The following PLD5 variants were observed in gnomAD, a reference collection of about 807,000 sequenced individuals.
PLD5 encodes the protein phospholipase D family member 5.
PLD5 carries 36 observed loss-of-function variants against 61.1 expected under a neutral mutation model. That is an observed-to-expected ratio of 0.59 (90% CI 0.45 to 0.78). PLD5 has a LOEUF of 0.78. Ranked by LOEUF, PLD5 falls within the 30% of genes least tolerant of loss-of-function variation. PLD5 has a pLI of 0.00. For missense variants in PLD5, 515 were observed against 644.4 expected, an observed-to-expected ratio of 0.80 and a Z score of 2.17; for synonymous variants, 243 against 242.8, an observed-to-expected ratio of 1.00 and a Z score of -0.01.
chr1:242,516,969 T>G (rs1669123826), intron 1 of PLD5, among the ~76,000 whole-genome samples: 1 of 152,250 alleles, frequency 6.6e-6, no homozygotes, highest in African/African-American at 2.4e-5. Context: ...GACATATTTA[T>G]GTTCATGTAA....
intron 6 of PLD5, among the ~76,000 whole-genome samples, chr1:242,123,476 T>A (rs1335262349): frequency 6.6e-6 from 1 of 151,936 alleles, no homozygotes; most frequent in African/African-American, 2.4e-5. Flanking sequence ...CAGAGCACAC[T>A]CACACACACA....
At chr1:242,478,975 A>T (rs556475894) in intron 1 of PLD5, among the ~76,000 whole-genome samples, 2 of 152,352 alleles carry the variant, frequency 1.3e-5, no homozygotes, top group Non-Finnish European at 2.9e-5. Flanking sequence ...TTTTTTGACG[A>T]TATGAAGACA....
intron 4 of PLD5, among the ~76,000 whole-genome samples, chr1:242,231,493 G>A (rs542691132): frequency 6.6e-6 from 1 of 152,256 alleles, no homozygotes; most frequent in South Asian, 2.1e-4. Context: ...AGATTCCACA[G>A]CCCAATCTGC....
chr1:242,350,054 G>GA (rs199888310), intron 1 of PLD5, among the ~76,000 whole-genome samples: 4,278 of 149,328 alleles, frequency 0.029, 144 homozygotes, highest in East Asian at 0.15. Context: ...GTCTCTAAAA[G>GA]AAAAAAAAAG....
chr1:242,478,583 G>T (rs746962406), intron 1 of PLD5, among the ~76,000 whole-genome samples: 1 of 152,084 alleles, frequency 6.6e-6, no homozygotes, highest in Non-Finnish European at 1.5e-5. Flanking sequence ...TCTTGAAAAG[G>T]TTCAAGCTTA....
chr1:242,504,176 G>A (rs553254236), intron 1 of PLD5, among the ~76,000 whole-genome samples: 17 of 152,206 alleles, frequency 1.1e-4, no homozygotes, highest in South Asian at 1.0e-3. Context: ...AACGAAGTTC[G>A]ATGCACCAAT....
intron 5 of PLD5, among the ~76,000 whole-genome samples, chr1:242,186,264 C>A (rs1325315500): frequency 6.6e-6 from 1 of 151,902 alleles, no homozygotes; most frequent in African/African-American, 2.4e-5. Context: ...CTCACTGCAA[C>A]CTCCACCTCC....
chr1:242,227,029 C>T (rs1189016168), intron 4 of PLD5, among the ~76,000 whole-genome samples: 1 of 152,098 alleles, frequency 6.6e-6, no homozygotes, highest in Non-Finnish European at 1.5e-5. Flanking sequence ...TGTATGTACA[C>T]ACATTTTAAA....
chr1:242,503,059 C>T (rs951673956), intron 1 of PLD5, among the ~76,000 whole-genome samples: 5 of 150,960 alleles, frequency 3.3e-5, no homozygotes, highest in African/African-American at 1.2e-4. Context: ...GACTCCGTCT[C>T]AAAAACAAAA....
intron 4 of PLD5, chr1:242,236,017 G>A (rs995211630): frequency 2.0e-5 from 3 of 152,126 alleles, no homozygotes; most frequent in African/African-American, 7.2e-5. Context: ...GTGATATTAG[G>A]TGCCACGGTC....
intron 1 of PLD5, among the ~76,000 whole-genome samples, chr1:242,482,822 C>T (rs1185360791): frequency 6.6e-6 from 1 of 152,192 alleles, no homozygotes; most frequent in Non-Finnish European, 1.5e-5. Context: ...GGTCGTGTTA[C>T]CCACAAAGGG....
At chr1:242,422,281 T>C (rs10926732) in intron 1 of PLD5, among the ~76,000 whole-genome samples, 29,003 of 151,672 alleles carry the variant, frequency 0.19, 3,502 homozygotes, top group African/African-American at 0.35. Context: ...TGGCAAAGAG[T>C]GTTTGGCTGG....
At chr1:242,430,699 T>C (rs1665669682) in intron 1 of PLD5, among the ~76,000 whole-genome samples, 1 of 152,176 alleles carries the variant, frequency 6.6e-6, no homozygotes, top group Non-Finnish European at 1.5e-5. Context: ...CCCTCCCTTC[T>C]ACCTGCTGGT....
chr1:242,492,241 G>A lies in PLD5; in HGVS notation c.189+31847C>T, dbSNP rs1041990654. Among the ~76,000 whole-genome samples the A allele has an allele frequency of 3.9e-5, 6 of 152,158 alleles. No homozygotes were observed. In the South Asian group the frequency reaches 6.2e-4, roughly 16 times the overall value. ...AATAGTGTACACGGTGGCCAGGCAC[G>A]TGGCTCACACCTGTAATCCCAGCAC... On this transcript the variant is annotated intron_variant, in intron 1 of 9. Coordinates refer to ENST00000536534, the MANE Select transcript of PLD5 (RefSeq NM_001372062.1).
intron 1 of PLD5, among the ~76,000 whole-genome samples, chr1:242,522,398 T>G (rs908396135): frequency 1.3e-5 from 2 of 152,334 alleles, no homozygotes; most frequent in Admixed American, 6.5e-5. Context: ...ATGGTATGAC[T>G]TGATACTTTC....
At chr1:242,372,851 C>T (rs997340863) in intron 1 of PLD5, among the ~76,000 whole-genome samples, 1 of 151,746 alleles carries the variant, frequency 6.6e-6, no homozygotes, top group Non-Finnish European at 1.5e-5. Context: ...TAGAAGAAAA[C>T]CTAGGCAATA....
At chr1:242,350,899 T>TTC (rs1177861770) in intron 1 of PLD5, among the ~76,000 whole-genome samples, 73 of 127,134 alleles carry the variant, frequency 5.7e-4, no homozygotes, top group Non-Finnish European at 1.2e-3. Context: ...GTTTTATTCT[T>TTC]TTTTTTTTTT....
At chr1:242,321,489 G>A (rs1414030998) in intron 2 of PLD5, among the ~76,000 whole-genome samples, 1 of 152,104 alleles carries the variant, frequency 6.6e-6, no homozygotes, top group East Asian at 1.9e-4. Flanking sequence ...TATTTTAGTA[G>A]AGACGGTGTT....
intron 1 of PLD5, among the ~76,000 whole-genome samples, chr1:242,427,204 AATTGTT>A (rs1289196355): frequency 6.6e-6 from 1 of 152,230 alleles, no homozygotes; most frequent in Admixed American, 6.5e-5. Context: ...TAGGAATTAG[AATTGTT>A]ATTATCAGTA....
Sources: allele counts gnomAD v4.1 joint callset (sites outside exome capture counted in the v4.1 genomes callset), GRCh38; gene constraint gnomAD v4.1.1; transcripts MANE v1.5; gene names NCBI Gene and HGNC (gene_info 2026-07-23, HGNC 2026-07-21).